Variants in ZDHHC13 observed in about 807,000 individuals in gnomAD.
ZDHHC13 encodes zDHHC palmitoyltransferase 13, also known as palmitoyltransferase ZDHHC13.
ZDHHC13 carries 85 observed loss-of-function variants against 86.0 expected under a neutral mutation model. The observed-to-expected ratio is 0.99, with a 90% CI of 0.83 to 1.18. The LOEUF is 1.18. Among genes scored for constraint, ZDHHC13 ranks in the 50% most tolerant of loss-of-function variants. ZDHHC13 has a pLI of 0.00. For synonymous variants in ZDHHC13, 263 were observed against 246.4 expected (o/e 1.07, Z -0.63); for missense variants, 711 against 730.2 (o/e 0.97, Z 0.30).
At chr11:19,153,720 C>T (rs1316294583) in intron 8 of ZDHHC13, among the ~76,000 whole-genome samples, 1 of 152,142 alleles carries the variant, frequency 6.6e-6, no homozygotes. Flanking sequence ...TTTCCATGCT[C>T]ATATATCCAA....
intron 1 of ZDHHC13, among the ~76,000 whole-genome samples, chr11:19,127,871 A>G (rs966828193): frequency 4.6e-5 from 7 of 152,204 alleles, no homozygotes; most frequent in African/African-American, 1.4e-4. Context: ...TATCGTTTGA[A>G]GTCAGGTAGT....
intron 10 of ZDHHC13, among the ~76,000 whole-genome samples, chr11:19,162,181 AG>A (rs1013752160): frequency 6.6e-6 from 1 of 152,172 alleles, no homozygotes; most frequent in African/African-American, 2.4e-5. Flanking sequence ...TGAACCAATG[AG>A]GGGATAAGCT....
At chr11:19,139,957 A>C (rs1849264568) in intron 1 of ZDHHC13, among the ~76,000 whole-genome samples, 1 of 147,760 alleles carries the variant, frequency 6.8e-6, no homozygotes, top group African/African-American at 2.5e-5. Flanking sequence ...AAAACCATAA[A>C]AACCCTAGAA....
chr11:19,135,826 A>G (rs1254937779), intron 1 of ZDHHC13, among the ~76,000 whole-genome samples: 2 of 152,236 alleles, frequency 1.3e-5, no homozygotes, highest in Non-Finnish European at 2.9e-5. Context: ...GACACCTCAC[A>G]TGGCCGGGTA....
At chr11:19,147,885 T>C (rs191106005) in intron 4 of ZDHHC13, among the ~76,000 whole-genome samples, 1 of 152,060 alleles carries the variant, frequency 6.6e-6, no homozygotes, top group Non-Finnish European at 1.5e-5. Flanking sequence ...AATATGTGTT[T>C]TATAGTTTCT....
intron 1 of ZDHHC13, among the ~76,000 whole-genome samples, chr11:19,139,169 T>A (rs1197644098): frequency 6.6e-6 from 1 of 151,716 alleles, no homozygotes; most frequent in East Asian, 1.9e-4. Context: ...AAAACCCCAT[T>A]GTCTCAGCCC....
intron 6 of ZDHHC13, among the ~76,000 whole-genome samples, chr11:19,151,255 A>G (rs754358162): frequency 1.3e-5 from 2 of 152,076 alleles, no homozygotes; most frequent in Non-Finnish European, 2.9e-5. Flanking sequence ...CTGTATGTTC[A>G]GATCAGGCAC....
chr11:19,167,819 TAATG>T (rs1241682338), intron 14 of ZDHHC13: 6 of 152,216 alleles, frequency 3.9e-5, no homozygotes, highest in Non-Finnish European at 7.3e-5. Context: ...GCTTATTTAT[TAATG>T]TATTTTTTGA....
At chr11:19,130,898 T>A (rs1286631810) in intron 1 of ZDHHC13, among the ~76,000 whole-genome samples, 1 of 151,574 alleles carries the variant, frequency 6.6e-6, no homozygotes, top group East Asian at 1.9e-4. Context: ...CAGGCTGGAG[T>A]ACAGTGGCGC....
At chr11:19,162,612 TG>T (rs1849942595) in intron 10 of ZDHHC13, among the ~76,000 whole-genome samples, 1 of 151,990 alleles carries the variant, frequency 6.6e-6, no homozygotes, top group African/African-American at 2.4e-5. Flanking sequence ...CTATGTGAGG[TG>T]ATAGGGTGTA....
At position 19,119,288 on chromosome 11, in the gene ZDHHC13, A is replaced by G. The variant is rs1848711043; in HGVS notation, c.27+2012A>G. Among the ~76,000 whole-genome samples the G allele has an allele frequency of 3.3e-5, 5 of 152,094 alleles. No homozygotes were observed. In the South Asian group the frequency reaches 1.0e-3, roughly 32 times the overall value. On this transcript the variant is annotated intron_variant, in intron 1 of 16. Transcript: ENST00000446113. ...ACCACACCCTGCTAATTTTTTGTATAGTAAGATGGGGTTTCACCATGTTGG... is the reference window on the plus strand; with the variant it reads ...ACCACACCCTGCTAATTTTTTGTATGGTAAGATGGGGTTTCACCATGTTGG...
intron 3 of ZDHHC13, among the ~76,000 whole-genome samples, chr11:19,146,917 C>T (rs1348461176): frequency 6.6e-6 from 1 of 152,098 alleles, no homozygotes; most frequent in Non-Finnish European, 1.5e-5. Context: ...TTCTAACACA[C>T]ATGAATACTC....
In ZDHHC13 at chr11:19,175,942, G is replaced by T; in HGVS notation, c.1851G>T (p.Lys617Asn). 6.2e-7 allele frequency: 1 copy of T among 1,609,538 alleles called. No homozygotes were observed. Among genetic ancestry groups the T allele is most frequent in the Non-Finnish European group, 8.5e-7 (1 of 1,178,442 alleles). The change falls in exon 17 of 17, where the codon AAG becomes AAT. Residue 617 changes from lysine (K) to asparagine (N), a missense_variant. Physicochemically the swap from Lys to Asn is moderately conservative, Grantham distance 94. Transcript: ENST00000446113. ...TGGTCTTTCACCCAGCCAGGGAGAA[G>T]GTTCTTCGCTCAGTATGAAGAAAAG... Reference protein sequence around the residue: ...YTMVFHPAREKVLRSV With the variant: ...YTMVFHPARENVLRSV
At chr11:19,126,990 T>C (rs186106624) in intron 1 of ZDHHC13, among the ~76,000 whole-genome samples, 1 of 152,348 alleles carries the variant, frequency 6.6e-6, no homozygotes, top group Non-Finnish European at 1.5e-5. Flanking sequence ...ATGGGATTGC[T>C]GGGTTGAATG....
intron 2 of ZDHHC13, 95 bp downstream of exon 2, chr11:19,143,218 T>C: frequency 7.6e-7 from 1 of 1,312,448 alleles, no homozygotes; most frequent in Non-Finnish European, 1.0e-6. Context: ...TTACCTCTCT[T>C]AACTTCATAA....
chr11:19,162,672 T>C (rs1408420990), intron 10 of ZDHHC13, among the ~76,000 whole-genome samples: 4 of 152,130 alleles, frequency 2.6e-5, no homozygotes, highest in African/African-American at 9.7e-5. Flanking sequence ...CTGCCATTTG[T>C]TTTGTAAGTT....
intron 1 of ZDHHC13, among the ~76,000 whole-genome samples, chr11:19,126,145 T>C (rs2133363821): frequency 6.6e-6 from 1 of 152,204 alleles, no homozygotes; most frequent in Admixed American, 6.5e-5. Context: ...TTGTTTTAGG[T>C]TTGGGGATAC....
chr11:19,166,413 C>T (rs765667211), intron 14 of ZDHHC13, 28 bp downstream of exon 14: 2 of 1,547,918 alleles, frequency 1.3e-6, no homozygotes, highest in Non-Finnish European at 1.8e-6. Flanking sequence ...TTACAACAAG[C>T]ACATACATCT....
chr11:19,134,250 C>A (rs955116962), intron 1 of ZDHHC13, among the ~76,000 whole-genome samples: 5 of 152,076 alleles, frequency 3.3e-5, no homozygotes, highest in Admixed American at 1.3e-4. Flanking sequence ...AATCCCAGTA[C>A]TTTGGGAAAC....
Sources: allele counts gnomAD v4.1 joint callset (sites outside exome capture counted in the v4.1 genomes callset), GRCh38; gene constraint gnomAD v4.1.1; transcripts MANE v1.5; gene names NCBI Gene and HGNC (gene_info 2026-07-23, HGNC 2026-07-21).